The following ANKEF1 variants were observed in gnomAD, a reference collection of about 807,000 sequenced individuals.
ANKEF1 encodes the protein ankyrin repeat and EF-hand domain-containing protein 1.
Under a neutral mutation model 65.1 loss-of-function variants are expected in ANKEF1, and 43 were observed. That is an observed-to-expected ratio of 0.66 (90% CI 0.52 to 0.85). ANKEF1 has a LOEUF of 0.85. Among genes scored for constraint, ANKEF1 ranks in the 40% least tolerant of loss-of-function variants. The pLI is 0.00. For synonymous variants in ANKEF1, 316 were observed against 341.5 expected (o/e 0.93, Z 0.82); for missense variants, 934 against 952.9 (o/e 0.98, Z 0.26).
rs768285484 is a variant in ANKEF1 at position 10,051,800 on chromosome 20, CT to C, written c.1784del (p.Leu595Ter). The C allele has an allele frequency of 2.5e-6, 4 of 1,613,596 alleles. No homozygotes were observed. The part of the protein sequence containing the change: ...IDAASINNST[P>X]LNRAIESCRL... ...GCAGCTTCAATCAACAACTCAACTC[CT>C]TTAAATAGAGCCATTGAAAGCTGCA... On this transcript the variant is annotated frameshift_variant, in exon 8 of 11. Transcript: ENST00000378392. LOFTEE classifies it high-confidence loss of function.
chr20:10,050,187 G>A lies in ANKEF1; in HGVS notation c.1618G>A (p.Val540Met), dbSNP rs201872448. ...GGCGTGTGCAAGTGGAAACATAGAT[G>A]TGGTCAAGTTTCTTCTTGAAAAAGG... Reference protein sequence around the residue: ...MTACASGNIDVVKFLLEKGAN... With the variant: ...MTACASGNIDMVKFLLEKGAN... The change falls in exon 7 of 11, where the codon GTG (valine) becomes ATG (methionine). Residue 540 changes from valine to methionine, a missense_variant. Val to Met is a conservative substitution (Grantham distance 21). Transcript: ENST00000378392. 7.4e-6 allele frequency: 12 copies of A among 1,611,874 alleles called. No homozygotes were observed. Among genetic ancestry groups the A allele is most frequent in the African/African-American group, 1.3e-5 (1 of 74,878 alleles).
chr20:10,042,854 C>T (rs1314068916), intron 3 of ANKEF1, among the ~76,000 whole-genome samples: 1 of 152,210 alleles, frequency 6.6e-6, no homozygotes, highest in Non-Finnish European at 1.5e-5. Context: ...GCCAAATACT[C>T]AGGGTCAACA....
chr20:10,039,170 A>G (rs1984034173), intron 3 of ANKEF1, among the ~76,000 whole-genome samples: 1 of 152,182 alleles, frequency 6.6e-6, no homozygotes, highest in South Asian at 2.1e-4. Context: ...GTATTTGGAA[A>G]TACAACTTCA....
At chr20:10,046,612 T>TTTTGTTAA (rs1984537252) in intron 6 of ANKEF1, among the ~76,000 whole-genome samples, 1 of 152,182 alleles carries the variant, frequency 6.6e-6, no homozygotes, top group South Asian at 2.1e-4. Flanking sequence ...GATATGTATT[T>TTTTGTTAA]TTTGTTAATT....
chr20:10,055,952 A>T lies in ANKEF1; in HGVS notation c.*292A>T. The T allele has an allele frequency of 3.2e-6, 1 of 316,178 alleles. No individual in the cohort carries two copies. The highest frequency in any genetic ancestry group is 4.7e-5 in the South Asian group (1 of 21,216). 19.6% of individuals were successfully genotyped at this position (316,178 alleles called of 1,614,324 possible). ...TGCTGTCAAAAGATTTACCAGGTCT[A>T]CACCATTATGCTTATTATTTTTTTA... On this transcript the variant is annotated 3_prime_UTR_variant, in exon 11 of 11. Transcript: ENST00000378392.
rs771568465 is a variant in ANKEF1, at chr20:10,054,604, G to A, written c.2172+5G>A. The stretch of plus-strand genomic sequence containing the variant: ...ATCACATTTATTCCACGGAGGGTAA[G>A]TGCTTCGAAAAGATCTTCATAGCAT... On this transcript the variant is annotated splice_donor_5th_base_variant and intron_variant, in intron 10 of 10. Coordinates refer to ENST00000378392, the MANE Select transcript of ANKEF1 (RefSeq NM_022096.6). 6.2e-7 allele frequency: 1 copy of A among 1,604,100 alleles called. No individual in the cohort carries two copies. Among genetic ancestry groups the A allele is most frequent in the South Asian group, 1.1e-5 (1 of 88,364 alleles).
At chr20:10,042,348 G>T (rs554772132) in intron 3 of ANKEF1, among the ~76,000 whole-genome samples, 1 of 151,934 alleles carries the variant, frequency 6.6e-6, no homozygotes, top group East Asian at 1.9e-4. Flanking sequence ...TTAATAGGTT[G>T]CATAGTGGTT....
intron 5 of ANKEF1, 105 bp from the exon 6 acceptor site, chr20:10,045,469 C>T (rs1374902982): frequency 3.7e-5 from 41 of 1,109,368 alleles, no homozygotes; most frequent in Middle Eastern, 2.1e-4. Flanking sequence ...AATAGTCATA[C>T]GTGGCTAATT....
chr20:10,040,203 C>T (rs1984099946), intron 3 of ANKEF1, among the ~76,000 whole-genome samples: 1 of 152,228 alleles, frequency 6.6e-6, no homozygotes, highest in Non-Finnish European at 1.5e-5. Flanking sequence ...CAAGGTAGTG[C>T]CCATTGTACA....
chr20:10,051,940 T>TA, intron 8 of ANKEF1, 51 bp downstream of exon 8: 2 of 1,380,572 alleles, frequency 1.4e-6, no homozygotes, highest in Non-Finnish European at 9.9e-7. Context: ...GAACTTATGT[T>TA]AGATTCTAAG....
At chr20:10,049,262 T>C (rs1046803403) in intron 6 of ANKEF1, 128 bp from the exon 7 acceptor site, 1 of 898,346 alleles carries the variant, frequency 1.1e-6, no homozygotes, top group African/African-American at 1.7e-5. Context: ...CACATCTCTA[T>C]ATACATATAA....
rs374614731 is a variant in ANKEF1 at position 10,038,301 on chromosome 20, C to T, written c.-1C>T. 1 of 1,502,326 alleles carries T rather than the reference C, an allele frequency of 6.7e-7. No individual in the cohort carries two copies. Among genetic ancestry groups the T allele is most frequent in the African/African-American group, 1.4e-5 (1 of 71,984 alleles). The allele number at this position is 1,502,326 out of a possible 1,614,324, so 93.1% of individuals were successfully genotyped here. A position where few individuals can be genotyped will look rare whatever the true frequency, so the allele number is the denominator to read the frequency against. On this transcript the variant is annotated 5_prime_UTR_variant, in exon 3 of 11. Coordinates refer to ENST00000378392, the MANE Select transcript of ANKEF1 (RefSeq NM_022096.6). ...AAGCATTTTCAAGGAGCTGGTCAAG[C>T]ATGGCTTTAGCAGATAAGAGACTTG...
chr20:10,050,631 C>A (rs1984806467), intron 7 of ANKEF1, among the ~76,000 whole-genome samples: 1 of 152,112 alleles, frequency 6.6e-6, no homozygotes, highest in Non-Finnish European at 1.5e-5. Context: ...TGTGTGTGCA[C>A]AAATATATTT....
rs961380435 is a variant in ANKEF1, at chr20:10,058,088, C to G, written c.*2428C>G. 5 of 152,054 alleles carry G rather than the reference C, an allele frequency of 3.3e-5. No individual in the cohort carries two copies. Among genetic ancestry groups the G allele is most frequent in the Non-Finnish European group, 7.4e-5 (5 of 67,996 alleles). The allele number at this position is 152,054 out of a possible 1,614,324, so 9.4% of individuals were successfully genotyped here. A position where few individuals can be genotyped will look rare whatever the true frequency, so the allele number is the denominator to read the frequency against. On this transcript the variant is annotated 3_prime_UTR_variant, in exon 11 of 11. Transcript: ENST00000378392. Reference sequence around the variant, plus strand: ...TATCAGGAGGCACATGATGTTGATACCTGATATAAACTTTAACTGCATTTG... The same window carrying G: ...TATCAGGAGGCACATGATGTTGATAGCTGATATAAACTTTAACTGCATTTG...
Position 10,056,001 on chromosome 20 carries a change from A to G in ANKEF1, c.*341A>G. 1 of 185,452 alleles carries G rather than the reference A, an allele frequency of 5.4e-6. No individual in the cohort carries two copies. Among genetic ancestry groups the G allele is most frequent in the Non-Finnish European group, 1.2e-5 (1 of 86,646 alleles). The allele number at this position is 185,452 out of a possible 1,614,324, so 11.5% of individuals were successfully genotyped here. A position where few individuals can be genotyped will look rare whatever the true frequency, so the allele number is the denominator to read the frequency against. On this transcript the variant is annotated 3_prime_UTR_variant, in exon 11 of 11. Transcript: ENST00000378392. ...TAATTATCCTTTTTATTTATTAAAT[A>G]GAGACAGAGTCTCACTATATTGCCC...
At chr20:10,046,797 C>CA (rs1160132661) in intron 6 of ANKEF1, among the ~76,000 whole-genome samples, 6 of 152,086 alleles carry the variant, frequency 3.9e-5, no homozygotes, top group African/African-American at 1.4e-4. Flanking sequence ...CACACAGACA[C>CA]AAAATTTTAG....
rs1399070070 is a variant in ANKEF1 at position 10,054,548 on chromosome 20, G to T, written c.2121G>T (p.Leu707Phe). ...GTAATGTGGTTCATCTGAATTCATT[G>T]ATTACCAGTGGTTATACTAAGAAAG... ...QKGNVVHLNS[L>F]ITSGYTKKVD... is the part of the protein sequence containing the mutation. The change falls in exon 10 of 11, where the codon TTG (leucine) becomes TTT (phenylalanine). Residue 707 changes from leucine to phenylalanine, a missense_variant. Transcript: ENST00000378392. The T allele has an allele frequency of 2.5e-6, 4 of 1,610,046 alleles. No homozygotes were observed. Among genetic ancestry groups the T allele is most frequent in the Non-Finnish European group, 3.4e-6 (4 of 1,178,294 alleles).
At chr20:10,037,134 A>G (rs529493456) in intron 2 of ANKEF1, among the ~76,000 whole-genome samples, 2 of 152,246 alleles carry the variant, frequency 1.3e-5, no homozygotes, top group East Asian at 3.9e-4. Context: ...TTGTAGTAAG[A>G]TGGAATCTTT....
At chr20:10,037,061 C>T (rs79343916) in intron 2 of ANKEF1, among the ~76,000 whole-genome samples, 2,074 of 152,046 alleles carry the variant, frequency 0.014, 42 homozygotes, top group African/African-American at 0.047. Flanking sequence ...AGCTCACTGC[C>T]GTAGAGAATG....
Sources: allele counts gnomAD v4.1 joint callset (sites outside exome capture counted in the v4.1 genomes callset), GRCh38; gene constraint gnomAD v4.1.1; transcripts MANE v1.5; gene names NCBI Gene and HGNC (gene_info 2026-07-23, HGNC 2026-07-21).